CDK6: variants seen among roughly 807,000 people sequenced by gnomAD.
CDK6 encodes the protein cyclin dependent kinase 6.
A neutral mutation model predicts 37.1 loss-of-function variants in CDK6; 6 were observed. The observed-to-expected ratio is 0.16, with a 90% CI of 0.09 to 0.32. The LOEUF (loss-of-function observed/expected upper bound fraction) is 0.32. CDK6 is among the 10% of genes least tolerant of loss of function. The probability of loss-of-function intolerance (pLI) is 1.00; values close to 1 mark genes in which losing one functional copy is unlikely to be tolerated. For missense variants in CDK6, 224 were observed against 418.9 expected (o/e 0.53, Z 4.06); for synonymous variants, 160 against 161.3 (o/e 0.99, Z 0.06).
At chr7:92,809,215 T>G (rs921058674) in intron 2 of CDK6, among the ~76,000 whole-genome samples, 1 of 152,174 alleles carries the variant, frequency 6.6e-6, no homozygotes, top group Non-Finnish European at 1.5e-5. Context: ...ATGGAGAAAC[T>G]CTCAATAGCC....
At chr7:92,782,435 C>T (rs559334400) in intron 2 of CDK6, among the ~76,000 whole-genome samples, 2 of 152,244 alleles carry the variant, frequency 1.3e-5, no homozygotes, top group African/African-American at 2.4e-5. Flanking sequence ...CAGGGGCCCA[C>T]GGATGGCATG....
intron 5 of CDK6, among the ~76,000 whole-genome samples, chr7:92,627,727 T>C (rs1472882273): frequency 1.3e-5 from 2 of 152,056 alleles, no homozygotes; most frequent in Non-Finnish European, 1.5e-5. Context: ...GTGGTACAAC[T>C]CTGTGAATAT....
chr7:92,822,923 C>T (rs1426594158), intron 2 of CDK6, among the ~76,000 whole-genome samples: 1 of 152,000 alleles, frequency 6.6e-6, no homozygotes, highest in African/African-American at 2.4e-5. Context: ...CCCAAGTTCT[C>T]TTACTGTTTT....
chr7:92,658,297 C>A (rs777750273), intron 5 of CDK6, among the ~76,000 whole-genome samples: 1 of 152,090 alleles, frequency 6.6e-6, no homozygotes, highest in African/African-American at 2.4e-5. Flanking sequence ...ATAAAATAAG[C>A]ACAAAGATTT....
rs1038161284 is a variant in CDK6 at position 92,612,897 on chromosome 7, C to A, written c.*2243G>T. On this transcript the variant is annotated 3_prime_UTR_variant, in exon 8 of 8. Transcript: ENST00000424848. ...TGAGTTTTTAAATTCAATTTGTAGG[C>A]CCTAGCAAAAATGTCTTTGTATTTT... 4.3e-6 allele frequency: 1 copy of A among 232,900 alleles called. No homozygotes were observed. The highest frequency in any genetic ancestry group is 5.6e-5 in the Admixed American group (1 of 17,776). 14.4% of individuals were successfully genotyped at this position (232,900 alleles called of 1,614,324 possible). A position where few individuals can be genotyped will look rare whatever the true frequency, so the allele number is the denominator to read the frequency against.
intron 4 of CDK6, among the ~76,000 whole-genome samples, chr7:92,688,618 C>CAG (rs1410614322): frequency 6.6e-6 from 1 of 151,356 alleles, no homozygotes; most frequent in Non-Finnish European, 1.5e-5. Flanking sequence ...CACACACACA[C>CAG]ACACACACAC....
At chr7:92,731,105 C>G in intron 3 of CDK6, among the ~76,000 whole-genome samples, 1 of 152,190 alleles carries the variant, frequency 6.6e-6, no homozygotes, top group East Asian at 1.9e-4. Context: ...CACTGCAGGT[C>G]CCCACATCAA....
intron 2 of CDK6, among the ~76,000 whole-genome samples, chr7:92,816,955 C>T (rs76014001): frequency 0.059 from 8,980 of 151,764 alleles, 333 homozygotes; most frequent in Non-Finnish European, 0.08. Flanking sequence ...CCAAAAAAAC[C>T]CTAGGATAGA....
intron 5 of CDK6, among the ~76,000 whole-genome samples, chr7:92,656,720 A>C (rs2116571078): frequency 6.6e-6 from 1 of 152,306 alleles, no homozygotes; most frequent in East Asian, 1.9e-4. Flanking sequence ...AGGGCTATGA[A>C]GTACCTCCTG....
chr7:92,772,145 AT>A (rs1214974010), intron 3 of CDK6, among the ~76,000 whole-genome samples: 1 of 152,212 alleles, frequency 6.6e-6, no homozygotes, highest in African/African-American at 2.4e-5. Flanking sequence ...CACTCAAATT[AT>A]TTTTTAAAAA....
chr7:92,661,367 A>G (rs1430722136), intron 5 of CDK6, among the ~76,000 whole-genome samples: 1 of 152,182 alleles, frequency 6.6e-6, no homozygotes, highest in African/African-American at 2.4e-5. Flanking sequence ...CTCGAACAAC[A>G]TGGGGGTTAA....
Position 92,821,922 on chromosome 7 carries a change from G to A in CDK6, c.233+11169C>T, listed in dbSNP as rs546179476. On this transcript the variant is annotated intron_variant, in intron 2 of 7. Transcript: ENST00000424848. ...TTCACTGCTTATAAAGGCAGTGATAGCCATTTATACAAGGCTCTTTAGGGG... is the reference window on the plus strand; with the variant it reads ...TTCACTGCTTATAAAGGCAGTGATAACCATTTATACAAGGCTCTTTAGGGG... Among the ~76,000 whole-genome samples, 243 of 152,102 alleles carry A rather than the reference G, an allele frequency of 1.6e-3. 1 individual carries two copies. Among genetic ancestry groups the A allele is most frequent in the South Asian group, 0.01 (49 of 4,824 alleles).
chr7:92,769,868 T>G (rs1297653949), intron 3 of CDK6, among the ~76,000 whole-genome samples: 1 of 152,172 alleles, frequency 6.6e-6, no homozygotes, highest in African/African-American at 2.4e-5. Flanking sequence ...ATCTGAGAGC[T>G]GTTTTTTTTT....
chr7:92,768,151 C>A (rs182863448), intron 3 of CDK6, among the ~76,000 whole-genome samples: 2 of 152,142 alleles, frequency 1.3e-5, no homozygotes, highest in East Asian at 3.9e-4. Context: ...ACAAGGGATG[C>A]TGAAGGTGGG....
At chr7:92,690,588 T>C (rs1459082662) in intron 4 of CDK6, among the ~76,000 whole-genome samples, 1 of 152,148 alleles carries the variant, frequency 6.6e-6, no homozygotes, top group Non-Finnish European at 1.5e-5. Flanking sequence ...AAATATTTAA[T>C]TCAGCATTTA....
In CDK6 at chr7:92,725,838, A is replaced by C. The variant is rs775919494; in HGVS notation, c.370-45T>G. The C allele has an allele frequency of 2.0e-5, 31 of 1,568,244 alleles. No individual in the cohort carries two copies. The South Asian group carries it at 3.4e-4, about 17-fold the overall frequency. On this transcript the variant is annotated intron_variant, in intron 3 of 7. Transcript: ENST00000424848. ...AAAATCAGTAAACACTCAAAACGGAAGTTGAGCATTTGCTATGCTGGACGC... is the reference window on the plus strand; with the variant it reads ...AAAATCAGTAAACACTCAAAACGGACGTTGAGCATTTGCTATGCTGGACGC...
At position 92,610,747 on chromosome 7, in the gene CDK6, A is replaced by G; in HGVS notation, c.*4393T>C. 4.4e-6 allele frequency: 1 copy of G among 228,232 alleles called. No homozygotes were observed. The highest frequency in any genetic ancestry group is 8.7e-6 in the Non-Finnish European group (1 of 114,980). 14.1% of individuals were successfully genotyped at this position (228,232 alleles called of 1,614,324 possible). A position where few individuals can be genotyped will look rare whatever the true frequency, so the allele number is the denominator to read the frequency against. Reference sequence around the variant, plus strand: ...ATAAGTTTTTCCACTGTGGAGATGGAACATGTAAATATCTTCCTAATTATA... The same window carrying G: ...ATAAGTTTTTCCACTGTGGAGATGGGACATGTAAATATCTTCCTAATTATA... On this transcript the variant is annotated 3_prime_UTR_variant, in exon 8 of 8. Coordinates refer to ENST00000424848, the MANE Select transcript of CDK6 (RefSeq NM_001145306.2).
intron 6 of CDK6, among the ~76,000 whole-genome samples, chr7:92,620,007 C>T (rs1300097231): frequency 6.6e-6 from 1 of 152,052 alleles, no homozygotes; most frequent in African/African-American, 2.4e-5. Context: ...TAAAAATTTC[C>T]TTTCATTCCT....
intron 5 of CDK6, among the ~76,000 whole-genome samples, chr7:92,628,664 T>C (rs190891267): frequency 4.9e-4 from 75 of 152,194 alleles, no homozygotes; most frequent in African/African-American, 1.7e-3. Flanking sequence ...TCTGCAGAGG[T>C]ACATATATAC....
Sources: gnomAD v4.1 joint callset for allele counts (sites outside exome capture counted in the v4.1 genomes callset) on GRCh38, gnomAD v4.1.1 for gene constraint, MANE v1.5 for transcripts, NCBI Gene and HGNC (gene_info 2026-07-23, HGNC 2026-07-21) for gene names.